The following OTUD3 variants were observed in gnomAD, a reference collection of about 807,000 sequenced individuals.
The protein encoded by OTUD3 is OTU deubiquitinase 3.
A neutral mutation model predicts 46.2 loss-of-function variants in OTUD3; 24 were observed. The ratio of observed to expected loss-of-function variants is 0.52; its 90% CI spans 0.38 to 0.73. The LOEUF (loss-of-function observed/expected upper bound fraction) is 0.73. Ranked by LOEUF, OTUD3 falls within the 30% of genes least tolerant of loss-of-function variation. The probability of loss-of-function intolerance (pLI) is 0.00; values close to 1 mark genes in which losing one functional copy is unlikely to be tolerated. For missense variants in OTUD3, 455 were observed against 523.3 expected, an observed-to-expected ratio of 0.87 and a Z score of 1.27; for synonymous variants, 189 against 195.4, an observed-to-expected ratio of 0.97 and a Z score of 0.27.
intron 1 of OTUD3, among the ~76,000 whole-genome samples, chr1:19,889,687 TTA>T (rs1341557169): frequency 2.0e-5 from 3 of 152,218 alleles, no homozygotes; most frequent in Non-Finnish European, 4.4e-5. Flanking sequence ...TATTTTAATT[TTA>T]GAGAAACAAA....
At chr1:19,906,244 A>C (rs2045659543) in intron 6 of OTUD3, among the ~76,000 whole-genome samples, 188 bp from the exon 7 acceptor site, 1 of 152,246 alleles carries the variant, frequency 6.6e-6, no homozygotes, top group African/African-American at 2.4e-5. Context: ...TTTAGAATTT[A>C]TCTTCCAACT....
rs1245039934 is a variant in OTUD3 at position 19,904,251 on chromosome 1, T to C, written c.607-16T>C. 2 of 1,579,228 alleles carry C rather than the reference T, an allele frequency of 1.3e-6. No homozygotes were observed. The highest frequency in any genetic ancestry group is 3.7e-5 in the Admixed American group (2 of 53,728). On this transcript the variant is annotated splice_polypyrimidine_tract_variant and intron_variant, in intron 4 of 7. Transcript: ENST00000375120. Reference sequence around the variant, plus strand: ...ATTCTCAACATAGTTCCCTGATTATTACTTGTTTCCTTTAGTTTCAGATGC... The same window carrying C: ...ATTCTCAACATAGTTCCCTGATTATCACTTGTTTCCTTTAGTTTCAGATGC...
At chr1:19,904,053 T>C (rs1455056227) in intron 4 of OTUD3, among the ~76,000 whole-genome samples, 1 of 152,196 alleles carries the variant, frequency 6.6e-6, no homozygotes, top group Non-Finnish European at 1.5e-5. Flanking sequence ...AGTTATTCTG[T>C]CTTTTGGGCC....
At chr1:19,899,753 A>C (rs2045561965) in intron 4 of OTUD3, among the ~76,000 whole-genome samples, 1 of 152,260 alleles carries the variant, frequency 6.6e-6, no homozygotes, top group African/African-American at 2.4e-5. Flanking sequence ...CTTCGTCAAC[A>C]TAGTGTTACC....
chr1:19,898,073 C>T (rs1022295647), intron 4 of OTUD3, among the ~76,000 whole-genome samples: 1 of 151,706 alleles, frequency 6.6e-6, no homozygotes, highest in Non-Finnish European at 1.5e-5. Context: ...CTCAGCCTCC[C>T]TAGTAGCTGG....
chr1:19,899,440 TA>T (rs1485500678), intron 4 of OTUD3, among the ~76,000 whole-genome samples: 2 of 152,238 alleles, frequency 1.3e-5, no homozygotes, highest in African/African-American at 4.8e-5. Context: ...TGGTAGTACA[TA>T]AGGAACTTCC....
chr1:19,898,629 G>A (rs1052262699), intron 4 of OTUD3, among the ~76,000 whole-genome samples: 1 of 151,724 alleles, frequency 6.6e-6, no homozygotes, highest in Non-Finnish European at 1.5e-5. Flanking sequence ...TCGGGAGGCT[G>A]AGGCAGGAGA....
chr1:19,903,319 T>C (rs2045618007), intron 4 of OTUD3, among the ~76,000 whole-genome samples: 1 of 152,152 alleles, frequency 6.6e-6, no homozygotes, highest in Non-Finnish European at 1.5e-5. Flanking sequence ...CCCAAAGTGC[T>C]GGGATTACAG....
At chr1:19,891,838 A>T (rs1413936156) in intron 2 of OTUD3, among the ~76,000 whole-genome samples, 1 of 152,188 alleles carries the variant, frequency 6.6e-6, no homozygotes, top group Non-Finnish European at 1.5e-5. Context: ...CTGAGTTCAG[A>T]TGGTCCCTCT....
In OTUD3 at chr1:19,906,482, C is replaced by A. The variant is rs2045662436; in HGVS notation, c.886C>A (p.Pro296Thr). ...TGGTCGAGTGCTGAAGCAGTGTGGCCCTTTGTGGGAGGAGGGTGGCAGTGG... is the reference window on the plus strand; with the variant it reads ...TGGTCGAGTGCTGAAGCAGTGTGGCACTTTGTGGGAGGAGGGTGGCAGTGG... The part of the protein sequence containing the change: ...PSGRVLKQCG[P>T]LWEEGGSGAR... Residue 296 changes from proline (P) to threonine (T), a missense_variant, in exon 7 of 8, where the codon CCT becomes ACT. By Grantham distance (38) the Pro-to-Thr change is conservative. Coordinates refer to ENST00000375120, the MANE Select transcript of OTUD3 (RefSeq NM_015207.2). The A allele has an allele frequency of 1.9e-6, 3 of 1,613,780 alleles. No individual in the cohort carries two copies. The highest frequency in any genetic ancestry group is 1.7e-5 in the Admixed American group (1 of 59,984).
At chr1:19,887,862 T>A (rs2045390184) in intron 1 of OTUD3, among the ~76,000 whole-genome samples, 1 of 152,214 alleles carries the variant, frequency 6.6e-6, no homozygotes, top group Non-Finnish European at 1.5e-5. Context: ...AATAAAACCT[T>A]TTCCTTTTTC....
Position 19,898,084 on chromosome 1 carries a change from G to A in OTUD3, c.606+422G>A, listed in dbSNP as rs370991414. On this transcript the variant is annotated intron_variant, in intron 4 of 7. Transcript: ENST00000375120. ...CTGCCTCAGCCTCCCTAGTAGCTGG[G>A]ATTACAGGCATGTGCCACCATGCCC... Among the ~76,000 whole-genome samples the A allele has an allele frequency of 3.3e-4, 50 of 151,892 alleles. No homozygotes were observed. In the Middle Eastern group the frequency reaches 0.01, roughly 31 times the overall value.
chr1:19,903,040 CTTTTTTT>C (rs36114504), intron 4 of OTUD3, among the ~76,000 whole-genome samples: 1 of 58,052 alleles, frequency 1.7e-5, no homozygotes, highest in Non-Finnish European at 3.1e-5. Flanking sequence ...AATCTTTTCT[CTTTTTTT>C]TTTTTTTTTT....
intron 4 of OTUD3, among the ~76,000 whole-genome samples, chr1:19,900,905 T>G (rs974857104): frequency 1.4e-5 from 2 of 141,832 alleles, no homozygotes; most frequent in African/African-American, 2.7e-5. Context: ...CCTATTGAGG[T>G]TTTTTTTTTT....
In OTUD3 at chr1:19,904,480, C is replaced by T. The variant is rs554670366; in HGVS notation, c.738+82C>T. 2,146 of 1,345,116 alleles carry T rather than the reference C, an allele frequency of 1.6e-3. 2 individuals carry two copies. The highest frequency in any genetic ancestry group is 2.1e-3 in the Non-Finnish European group (2,054 of 973,502). The allele number at this position is 1,345,116 out of a possible 1,614,324, so 83.3% of individuals were successfully genotyped here. A position where few individuals can be genotyped will look rare whatever the true frequency, so the allele number is the denominator to read the frequency against. ...TACTTCTTAGTTTCGTAGCACCTCTCTAGCATATCAGCACCTTGTGGGCCA... is the reference window on the plus strand; with the variant it reads ...TACTTCTTAGTTTCGTAGCACCTCTTTAGCATATCAGCACCTTGTGGGCCA... On this transcript the variant is annotated intron_variant, in intron 5 of 7. Coordinates refer to ENST00000375120, the MANE Select transcript of OTUD3 (RefSeq NM_015207.2).
intron 5 of OTUD3, 87 bp downstream of exon 5, chr1:19,904,485 A>G (rs2045632044): frequency 7.7e-7 from 1 of 1,294,098 alleles, no homozygotes; most frequent in Non-Finnish European, 1.1e-6. Context: ...CCTCTCTAGC[A>G]TATCAGCACC....
intron 1 of OTUD3, 100 bp from the exon 2 acceptor site, chr1:19,890,285 C>T: frequency 8.2e-7 from 1 of 1,215,710 alleles, no homozygotes; most frequent in African/African-American, 1.5e-5. Context: ...CCTCTGTGTG[C>T]ACAAAATATT....
Position 19,904,930 on chromosome 1 carries a change from T to C in OTUD3, c.778T>C (p.Tyr260His), listed in dbSNP as rs1557681615. 6.3e-7 allele frequency: 1 copy of C among 1,598,024 alleles called. No homozygotes were observed. The highest frequency in any genetic ancestry group is 8.6e-7 in the Non-Finnish European group (1 of 1,166,320). ...LIVQNLEAEN[Y>H]NIESAIIAVL... ...AGTCCAGAACCTGGAAGCTGAAAAT[T>C]ATAATATTGAATCTGCAATAATTGC... The change falls in exon 6 of 8, where the codon TAT becomes CAT. Residue 260 changes from tyrosine to histidine, a missense_variant. Coordinates refer to ENST00000375120, the MANE Select transcript of OTUD3 (RefSeq NM_015207.2).
chr1:19,897,881 C>T, intron 4 of OTUD3: 1 of 415,482 alleles, frequency 2.4e-6, no homozygotes, highest in Non-Finnish European at 4.3e-6. Flanking sequence ...TTGATAGTTA[C>T]AATTGTATGT....
Sources: allele counts gnomAD v4.1 joint callset (sites outside exome capture counted in the v4.1 genomes callset), GRCh38; gene constraint gnomAD v4.1.1; transcripts MANE v1.5; gene names NCBI Gene and HGNC (gene_info 2026-07-23, HGNC 2026-07-21).